Variants in GSK3B observed in about 807,000 individuals in gnomAD.
GSK3B encodes the protein glycogen synthase kinase 3 beta, also known as glycogen synthase kinase-3 beta.
GSK3B carries 15 observed loss-of-function variants against 56.4 expected under a neutral mutation model. That is an observed-to-expected ratio of 0.27 (90% confidence interval 0.18 to 0.41). The LOEUF (loss-of-function observed/expected upper bound fraction) is 0.41. Among genes scored for constraint, GSK3B ranks in the 10% least tolerant of loss-of-function variants. The probability of loss-of-function intolerance (pLI) is 1.00; values close to 1 mark genes in which losing one functional copy is unlikely to be tolerated. For synonymous variants in GSK3B, 181 were observed against 188.9 expected (o/e 0.96, Z 0.34); for missense variants, 300 against 513.4 (o/e 0.58, Z 4.02).
intron 1 of GSK3B, among the ~76,000 whole-genome samples, chr3:120,057,843 C>A (rs569461269): frequency 6.6e-6 from 1 of 152,108 alleles, no homozygotes; most frequent in East Asian, 1.9e-4. Flanking sequence ...ATGAAAACAC[C>A]AATCATTAAC....
At chr3:119,965,683 T>C (rs756176996) in intron 2 of GSK3B, among the ~76,000 whole-genome samples, 2 of 152,228 alleles carry the variant, frequency 1.3e-5, no homozygotes, top group South Asian at 2.1e-4. Flanking sequence ...ACCCTAGTAC[T>C]GGTAGATTGT....
chr3:119,990,180 A>T (rs1362703432), intron 2 of GSK3B, among the ~76,000 whole-genome samples: 1 of 151,890 alleles, frequency 6.6e-6, no homozygotes, highest in Non-Finnish European at 1.5e-5. Flanking sequence ...ACCCCGCTCC[A>T]GTTGGAAAGA....
rs1223278721 is a variant in GSK3B, at chr3:120,093,810, C to A, written c.-376G>T. 9.4e-5 allele frequency: 22 copies of A among 234,338 alleles called. No homozygotes were observed. In the Admixed American group the frequency reaches 1.2e-3, roughly 13 times the overall value. The allele number at this position is 234,338 out of a possible 1,614,324, so 14.5% of individuals were successfully genotyped here. The stretch of plus-strand genomic sequence containing the variant: ...ATGAGTACTTCGAATATTATATTTT[C>A]CTCGGGGATTTTTTTTCCGAGTCAA... On this transcript the variant is annotated 5_prime_UTR_variant, in exon 1 of 11. Coordinates refer to ENST00000264235, the MANE Select transcript of GSK3B (RefSeq NM_001146156.2).
At chr3:120,060,084 A>G (rs2058224092) in intron 1 of GSK3B, among the ~76,000 whole-genome samples, 1 of 152,230 alleles carries the variant, frequency 6.6e-6, no homozygotes, top group Admixed American at 6.5e-5. Context: ...TACACAATGA[A>G]CCACACAAAA....
At chr3:120,075,706 AAAC>A (rs1281131546) in intron 1 of GSK3B, among the ~76,000 whole-genome samples, 2 of 152,310 alleles carry the variant, frequency 1.3e-5, no homozygotes, top group East Asian at 3.9e-4. Context: ...CTGAAAACTA[AAAC>A]TACTGATGAA....
intron 1 of GSK3B, among the ~76,000 whole-genome samples, chr3:120,064,353 A>T (rs1456966806): frequency 2.0e-5 from 3 of 152,000 alleles, no homozygotes; most frequent in Non-Finnish European, 2.9e-5. Context: ...CAAAAATCAG[A>T]ATTTTTATAC....
intron 8 of GSK3B, among the ~76,000 whole-genome samples, chr3:119,875,821 C>T (rs964628631): frequency 6.6e-6 from 1 of 151,950 alleles, no homozygotes; most frequent in Admixed American, 6.6e-5. Context: ...AGCAACTATG[C>T]TGTTTAGAAC....
At chr3:119,980,076 A>G (rs1442375523) in intron 2 of GSK3B, among the ~76,000 whole-genome samples, 2 of 152,154 alleles carry the variant, frequency 1.3e-5, no homozygotes, top group Non-Finnish European at 2.9e-5. Flanking sequence ...CTATTAAAAG[A>G]GCTCTAATTA....
intron 1 of GSK3B, among the ~76,000 whole-genome samples, chr3:120,077,214 C>T (rs1301503787): frequency 6.6e-6 from 1 of 152,160 alleles, no homozygotes; most frequent in Non-Finnish European, 1.5e-5. Context: ...AAGATATCTG[C>T]ATTCCCACGT....
At chr3:120,040,831 G>C (rs905936847) in intron 1 of GSK3B, among the ~76,000 whole-genome samples, 4 of 151,504 alleles carry the variant, frequency 2.6e-5, no homozygotes, top group African/African-American at 9.7e-5. Context: ...TTTCCTCTCA[G>C]GCAGCTGTTG....
At position 119,843,841 on chromosome 3, in the gene GSK3B, A is replaced by G. The variant is rs1415417786; in HGVS notation, c.1097-488T>C. ...AAGTTCTGTAGATAGACATCTACAG[A>G]ACTCTCCACCCCAAATCAACAGAAC... On this transcript the variant is annotated intron_variant, in intron 9 of 10. Transcript: ENST00000264235. Among the ~76,000 whole-genome samples, 5 of 151,908 alleles carry G rather than the reference A, an allele frequency of 3.3e-5. No individual in the cohort carries two copies. In the East Asian group the frequency reaches 9.6e-4, roughly 29 times the overall value.
At chr3:119,985,011 C>T (rs2057501765) in intron 2 of GSK3B, among the ~76,000 whole-genome samples, 1 of 152,184 alleles carries the variant, frequency 6.6e-6, no homozygotes, top group Non-Finnish European at 1.5e-5. Context: ...CAGGCTTCAT[C>T]CCTGGAATGC....
chr3:120,004,600 T>C (rs2057709836), intron 1 of GSK3B, among the ~76,000 whole-genome samples: 1 of 152,202 alleles, frequency 6.6e-6, no homozygotes, highest in South Asian at 2.1e-4. Flanking sequence ...TCTGCTGTTC[T>C]GCAGCCTCCT....
At chr3:119,968,896 G>A (rs965694581) in intron 2 of GSK3B, among the ~76,000 whole-genome samples, 7 of 152,294 alleles carry the variant, frequency 4.6e-5, no homozygotes, top group Middle Eastern at 3.4e-3. Flanking sequence ...AAAGTCAACT[G>A]TATTCTCATA....
chr3:119,990,800 T>A (rs1257543536), intron 2 of GSK3B, among the ~76,000 whole-genome samples: 1 of 152,168 alleles, frequency 6.6e-6, no homozygotes, highest in African/African-American at 2.4e-5. Context: ...TAGTGGCGCA[T>A]GCCTGCAAGC....
At chr3:120,042,733 C>T (rs2058073870) in intron 1 of GSK3B, among the ~76,000 whole-genome samples, 1 of 152,186 alleles carries the variant, frequency 6.6e-6, no homozygotes, top group Admixed American at 6.5e-5. Context: ...AAAGCTATCC[C>T]AAGCCCTAAA....
chr3:120,063,362 A>T (rs1256442391), intron 1 of GSK3B, among the ~76,000 whole-genome samples: 1 of 152,230 alleles, frequency 6.6e-6, no homozygotes, highest in East Asian at 1.9e-4. Flanking sequence ...AGAAGAACCA[A>T]GTATCTGGTC....
intron 10 of GSK3B, among the ~76,000 whole-genome samples, chr3:119,841,899 AAAC>A (rs1448574079): frequency 6.6e-6 from 1 of 152,218 alleles, no homozygotes; most frequent in African/African-American, 2.4e-5. Context: ...GATTAGACAG[AAAC>A]AACACCATCA....
intron 1 of GSK3B, among the ~76,000 whole-genome samples, chr3:120,055,887 A>C (rs921542942): frequency 3.9e-5 from 6 of 152,220 alleles, no homozygotes; most frequent in African/African-American, 9.6e-5. Flanking sequence ...ACAAAAGGAA[A>C]ATATATAAGT....
Sources: allele counts gnomAD v4.1 joint callset (sites outside exome capture counted in the v4.1 genomes callset), GRCh38; gene constraint gnomAD v4.1.1; transcripts MANE v1.5; gene names NCBI Gene and HGNC (gene_info 2026-07-23, HGNC 2026-07-21).